SMG1: variants seen among roughly 807,000 people sequenced by gnomAD.
SMG1 encodes SMG1 nonsense mediated mRNA decay associated PI3K related kinase, also known as serine/threonine-protein kinase SMG1.
Under a neutral mutation model 419.9 loss-of-function variants are expected in SMG1, and 22 were observed. The observed-to-expected ratio is 0.05, with a 90% CI of 0.04 to 0.07. SMG1 has a LOEUF of 0.07. Among genes scored for constraint, SMG1 ranks in the 10% least tolerant of loss-of-function variants. The pLI, the probability that SMG1 is intolerant of heterozygous loss-of-function variation, is 1.00. For synonymous variants in SMG1, 1,538 were observed against 1,553.5 expected (o/e 0.99, Z 0.23); for missense variants, 3,185 against 4,342.0 (o/e 0.73, Z 7.49).
intron 10 of SMG1, 50 bp downstream of exon 10, chr16:18,882,115 T>A: frequency 7.3e-7 from 1 of 1,367,670 alleles, no homozygotes; most frequent in South Asian, 1.6e-5. Context: ...ATTTACAGTG[T>A]AAAACAATTT....
Position 18,841,546 on chromosome 16 carries a change from T to C in SMG1, c.6696+19A>G, listed in dbSNP as rs532246434. On this transcript the variant is annotated intron_variant, in intron 41 of 62. Coordinates refer to ENST00000446231, the MANE Select transcript of SMG1 (RefSeq NM_015092.5). ...TAACAGAGAATAGACTAATACACTG[T>C]GTAGATGATTTAATCAACCTTTTGT... The C allele has an allele frequency of 9.2e-5, 148 of 1,602,444 alleles. 2 individuals carry two copies. The East Asian group carries it at 1.7e-3, about 18-fold the overall frequency.
chr16:18,868,050 T>C, intron 22 of SMG1, 140 bp downstream of exon 22: 1 of 802,206 alleles, frequency 1.2e-6, no homozygotes, highest in Non-Finnish European at 2.0e-6. Context: ...TTGTTGCTTT[T>C]ACAAAATACA....
chr16:18,850,567 A>G, intron 33 of SMG1, 100 bp from the exon 34 acceptor site: 3 of 742,712 alleles, frequency 4.0e-6, no homozygotes, highest in Non-Finnish European at 4.3e-6. Context: ...TCATATATAA[A>G]AGATAAAATT....
At chr16:18,827,120 T>G (rs2032740248) in intron 55 of SMG1, among the ~76,000 whole-genome samples, 2 of 151,994 alleles carry the variant, frequency 1.3e-5, no homozygotes, top group Admixed American at 1.3e-4. Context: ...TCAGTTACCT[T>G]GGAGGGTAAG....
chr16:18,855,503 T>G (rs2034847584), intron 29 of SMG1, among the ~76,000 whole-genome samples: 1 of 152,228 alleles, frequency 6.6e-6, no homozygotes, highest in Non-Finnish European at 1.5e-5. Flanking sequence ...ATCTACACTC[T>G]ATTTATTTCA....
intron 1 of SMG1, among the ~76,000 whole-genome samples, chr16:18,912,401 T>C (rs1472871137): frequency 6.6e-6 from 1 of 151,878 alleles, no homozygotes; most frequent in Non-Finnish European, 1.5e-5. Flanking sequence ...CAAAGTAAGG[T>C]GATAGTATGT....
rs772159979 is a variant in SMG1 at position 18,830,019 on chromosome 16, G to A, written c.9040C>T (p.Arg3014Trp). Residue 3014 changes from arginine to tryptophan, a missense_variant, in exon 53 of 63, where the codon CGG becomes TGG. Coordinates refer to ENST00000446231, the MANE Select transcript of SMG1 (RefSeq NM_015092.5). ...QVNFFDDDNHRQVLEEIFFLK... is the reference protein window; with the variant it reads ...QVNFFDDDNHWQVLEEIFFLK... ...AAGAAAATCTCTTCTAGCACCTGCCGGTGATTATCATCATCAAAAAAATTA... is the reference window on the plus strand; with the variant it reads ...AAGAAAATCTCTTCTAGCACCTGCCAGTGATTATCATCATCAAAAAAATTA... 1.1e-5 allele frequency: 18 copies of A among 1,595,276 alleles called. No homozygotes were observed. The highest frequency in any genetic ancestry group is 1.5e-5 in the Non-Finnish European group (17 of 1,169,878).
intron 3 of SMG1, among the ~76,000 whole-genome samples, chr16:18,894,363 G>A (rs1393281548): frequency 6.6e-6 from 1 of 152,042 alleles, no homozygotes; most frequent in Non-Finnish European, 1.5e-5. Context: ...AATAAGGACA[G>A]ATACCAAAAA....
rs758180638 is a variant in SMG1, at chr16:18,869,091, T to A, written c.2833+13A>T. On this transcript the variant is annotated intron_variant, in intron 20 of 62. Coordinates refer to ENST00000446231, the MANE Select transcript of SMG1 (RefSeq NM_015092.5). ...TTTGAAAGTATTCACATCACAAAGC[T>A]TGAGTGAGTTACCTTCAATTGTCTG... 2 of 1,605,946 alleles carry A rather than the reference T, an allele frequency of 1.2e-6. No individual in the cohort carries two copies. The highest frequency in any genetic ancestry group is 2.2e-5 in the South Asian group (2 of 90,892).
intron 62 of SMG1, 143 bp downstream of exon 62, chr16:18,811,618 G>T: frequency 1.3e-6 from 1 of 782,270 alleles, no homozygotes; most frequent in Non-Finnish European, 2.2e-6. Flanking sequence ...CGCCAGAGCT[G>T]TGTTACTCAA....
chr16:18,886,823 A>G (rs2036632531), intron 6 of SMG1, among the ~76,000 whole-genome samples: 1 of 152,102 alleles, frequency 6.6e-6, no homozygotes, highest in African/African-American at 2.4e-5. Flanking sequence ...GAAAAAGAAA[A>G]CCATTATTTT....
intron 54 of SMG1, 32 bp downstream of exon 54, chr16:18,829,254 A>C (rs1188478201): frequency 6.5e-7 from 1 of 1,548,392 alleles, no homozygotes; most frequent in African/African-American, 1.4e-5. Context: ...TCCTACCTTG[A>C]GGAAAAACAC....
Position 18,812,135 on chromosome 16 carries a change from G to A in SMG1, c.10622-8C>T. ...CAGTGTTACTCCGGACTGCTACAGAGAAAGAGTTGGTGGCTCAATTTACAT... is the reference window on the plus strand; with the variant it reads ...CAGTGTTACTCCGGACTGCTACAGAAAAAGAGTTGGTGGCTCAATTTACAT... On this transcript the variant is annotated splice_region_variant and splice_polypyrimidine_tract_variant and intron_variant, in intron 60 of 62. Coordinates refer to ENST00000446231, the MANE Select transcript of SMG1 (RefSeq NM_015092.5). 1 of 1,607,336 alleles carries A rather than the reference G, an allele frequency of 6.2e-7. No individual in the cohort carries two copies. Among genetic ancestry groups the A allele is most frequent in the South Asian group, 1.1e-5 (1 of 89,906 alleles).
chr16:18,809,281 A>T lies in SMG1; in HGVS notation c.*288T>A, dbSNP rs2031146732. The T allele has an allele frequency of 2.6e-6, 1 of 386,524 alleles. No homozygotes were observed. The highest frequency in any genetic ancestry group is 3.9e-5 in the Admixed American group (1 of 25,784). 23.9% of individuals were successfully genotyped at this position (386,524 alleles called of 1,614,324 possible). A position where few individuals can be genotyped will look rare whatever the true frequency, so the allele number is the denominator to read the frequency against. The stretch of plus-strand genomic sequence containing the variant: ...TTCTTTCCGCAGCTAACCTCCCGAC[A>T]CGTCTGCTGCTGTTCTGTGGCAGAA... On this transcript the variant is annotated 3_prime_UTR_variant, in exon 63 of 63. Coordinates refer to ENST00000446231, the MANE Select transcript of SMG1 (RefSeq NM_015092.5).
Position 18,872,284 on chromosome 16 carries a change from C to G in SMG1, c.2083G>C (p.Val695Leu). 1.3e-6 allele frequency: 2 copies of G among 1,596,264 alleles called. No individual in the cohort carries two copies. Among genetic ancestry groups the G allele is most frequent in the Non-Finnish European group, 1.7e-6 (2 of 1,170,794 alleles). The change falls in exon 15 of 63, where the codon GTG becomes CTG. Residue 695 changes from valine (V) to leucine (L), a missense_variant. Val to Leu is a conservative substitution (Grantham distance 32, BLOSUM62 1). Transcript: ENST00000446231. ...SSSPSLFDGA[V>L]ISTVTTATKK... ...GTAGCCGTAGTTACAGTGCTAATCA[C>G]AGCTCCATCAAACAAAGAAGGAGAG...
Position 18,808,818 on chromosome 16 carries a change from C to T in SMG1, c.*751G>A, listed in dbSNP as rs1418456095. 4 of 152,186 alleles carry T rather than the reference C, an allele frequency of 2.6e-5. No individual in the cohort carries two copies. Among genetic ancestry groups the T allele is most frequent in the Non-Finnish European group, 5.9e-5 (4 of 67,982 alleles). 9.4% of individuals were successfully genotyped at this position (152,186 alleles called of 1,614,324 possible). ...TCAGAAGTTGTTAACAGCATCGAGA[C>T]GGAAGTATATGAAATATAAGGACTG... On this transcript the variant is annotated 3_prime_UTR_variant, in exon 63 of 63. Coordinates refer to ENST00000446231, the MANE Select transcript of SMG1 (RefSeq NM_015092.5).
At chr16:18,921,154 A>G (rs199662583) in intron 1 of SMG1, among the ~76,000 whole-genome samples, 245 of 143,444 alleles carry the variant, frequency 1.7e-3, no homozygotes, top group Middle Eastern at 3.7e-3. Context: ...AAAAAAAAAA[A>G]AGAGAGAGAG....
chr16:18,818,063 G>C (rs2032174080), intron 56 of SMG1, among the ~76,000 whole-genome samples: 1 of 141,664 alleles, frequency 7.1e-6, no homozygotes, highest in African/African-American at 2.8e-5. Flanking sequence ...AGAGGTGCGT[G>C]CCACCATGCC....
chr16:18,918,541 G>C (rs1047337357), intron 1 of SMG1, among the ~76,000 whole-genome samples: 1 of 152,032 alleles, frequency 6.6e-6, no homozygotes, highest in African/African-American at 2.4e-5. Context: ...TCCCTCCTCT[G>C]ACCCTCCAGG....
Sources: allele counts gnomAD v4.1 joint callset (sites outside exome capture counted in the v4.1 genomes callset), GRCh38; gene constraint gnomAD v4.1.1; transcripts MANE v1.5; gene names NCBI Gene and HGNC (gene_info 2026-07-23, HGNC 2026-07-21).